Variants in FGD4 observed in about 807,000 individuals in gnomAD.
FGD4 encodes the protein FYVE, RhoGEF and PH domain containing 4.
FGD4 carries 42 observed loss-of-function variants against 102.0 expected under a neutral mutation model. The ratio of observed to expected loss-of-function variants is 0.41; its 90% CI spans 0.32 to 0.53. FGD4 has a LOEUF of 0.53. FGD4 is among the 20% of genes least tolerant of loss of function. The pLI is 0.21. For synonymous variants in FGD4, 380 were observed against 375.7 expected (o/e 1.01, Z -0.13); for missense variants, 902 against 1,078.2 (o/e 0.84, Z 2.29).
Position 32,582,023 on chromosome 12 carries a change from C to G in FGD4, c.567C>G (p.Thr189=). The change falls in exon 4 of 17, where the codon ACC becomes ACG. Residue 189 remains threonine, a synonymous_variant. Transcript: ENST00000534526. Reference sequence around the variant, plus strand: ...CTGTGAACCTAAATGCTCCTAGAACCCCAGGAAGGCATGGATTGACAACCA... The same window carrying G: ...CTGTGAACCTAAATGCTCCTAGAACGCCAGGAAGGCATGGATTGACAACCA... The part of the protein sequence containing the change: ...ESAVNLNAPR[T]PGRHGLTTTP... 1 of 1,614,080 alleles carries G rather than the reference C, an allele frequency of 6.2e-7. No individual in the cohort carries two copies. Among genetic ancestry groups the G allele is most frequent in the Non-Finnish European group, 8.5e-7 (1 of 1,180,006 alleles).
intron 1 of FGD4, among the ~76,000 whole-genome samples, chr12:32,465,362 C>T (rs1469796066): frequency 6.6e-6 from 1 of 152,064 alleles, no homozygotes; most frequent in Non-Finnish European, 1.5e-5. Context: ...CCTCATCAGT[C>T]AGCCGCCATT....
chr12:32,520,440 G>GTTTT (rs1167066001), intron 1 of FGD4, among the ~76,000 whole-genome samples: 6 of 134,110 alleles, frequency 4.5e-5, no homozygotes, highest in Admixed American at 7.5e-5. Flanking sequence ...TTTGTTTTTT[G>GTTTT]TTTTTTTTTT....
intron 4 of FGD4, among the ~76,000 whole-genome samples, chr12:32,592,888 G>A (rs1416120021): frequency 1.6e-4 from 25 of 152,298 alleles, no homozygotes; most frequent in Non-Finnish European, 1.5e-5. Flanking sequence ...ATTAAAGTAT[G>A]TAGTAGTACC....
chr12:32,540,912 C>T (rs1432764966), intron 1 of FGD4, among the ~76,000 whole-genome samples: 1 of 152,060 alleles, frequency 6.6e-6, no homozygotes, highest in East Asian at 1.9e-4. Context: ...CCCTCCCCAT[C>T]GAGCCTTGCA....
intron 1 of FGD4, among the ~76,000 whole-genome samples, chr12:32,537,897 G>GTTTGT (rs1555198141): frequency 2.6e-5 from 4 of 151,950 alleles, no homozygotes; most frequent in Admixed American, 6.6e-5. Context: ...TTTTTTGTTT[G>GTTTGT]TTTGTTTTGT....
At position 32,563,217 on chromosome 12, in the gene FGD4, G is replaced by A. The variant is rs577560408; in HGVS notation, c.167-920G>A. ...TCACTTCCCAGAGGGGGTGGCTGCCGGGCAGAGGGGCTCCTCACTTCTCAG... is the reference window on the plus strand; with the variant it reads ...TCACTTCCCAGAGGGGGTGGCTGCCAGGCAGAGGGGCTCCTCACTTCTCAG... On this transcript the variant is annotated intron_variant, in intron 1 of 16. Coordinates refer to ENST00000534526, the MANE Select transcript of FGD4 (RefSeq NM_001370298.3). Among the ~76,000 whole-genome samples, 719 of 151,634 alleles carry A rather than the reference G, an allele frequency of 4.7e-3. 5 individuals are homozygous for A. The highest frequency in any genetic ancestry group is 0.016 in the African/African-American group (663 of 41,318).
intron 10 of FGD4, among the ~76,000 whole-genome samples, chr12:32,612,232 C>T (rs768337848): frequency 6.8e-4 from 103 of 152,234 alleles, no homozygotes; most frequent in Non-Finnish European, 1.1e-3. Context: ...TGCAGGGAGC[C>T]GGTGCCCATG....
chr12:32,459,946 T>TC (rs964436094), intron 1 of FGD4, among the ~76,000 whole-genome samples: 1 of 151,794 alleles, frequency 6.6e-6, no homozygotes, highest in African/African-American at 2.4e-5. Context: ...ACTCAAGTGA[T>TC]CCCCCCACCT....
At chr12:32,411,321 C>T (rs111851680) in intron 1 of FGD4, among the ~76,000 whole-genome samples, 1 of 151,556 alleles carries the variant, frequency 6.6e-6, no homozygotes, top group African/African-American at 2.4e-5. Context: ...CGGATCACGA[C>T]GTCAGGAGTT....
intron 7 of FGD4, 54 bp downstream of exon 7, chr12:32,602,371 A>G: frequency 1.2e-6 from 2 of 1,601,912 alleles, no homozygotes; most frequent in East Asian, 2.2e-5. Context: ...TACAAATTAT[A>G]CAGTCTTCTA....
chr12:32,496,336 C>T (rs1360994342), intron 1 of FGD4, among the ~76,000 whole-genome samples: 2 of 152,170 alleles, frequency 1.3e-5, no homozygotes, highest in African/African-American at 4.8e-5. Context: ...AGAGAAGGTT[C>T]ATAATGTTGA....
Position 32,625,038 on chromosome 12 carries a change from A to C in FGD4, c.2016A>C (p.Ala672=). 1 of 1,613,302 alleles carries C rather than the reference A, an allele frequency of 6.2e-7. No homozygotes were observed. The highest frequency in any genetic ancestry group is 8.5e-7 in the Non-Finnish European group (1 of 1,179,506). The change falls in exon 13 of 17, where the codon GCA becomes GCC. Residue 672 remains alanine (A), a synonymous_variant. Transcript: ENST00000534526. The part of the protein sequence containing the change: ...QRHETFRNAI[A]KDNDIHSEVS... ...ATGAAACCTTCAGAAATGCAATTGCAAAGGATAATGACATTCACTCAGAGG... is the reference window on the plus strand; with the variant it reads ...ATGAAACCTTCAGAAATGCAATTGCCAAGGATAATGACATTCACTCAGAGG...
intron 1 of FGD4, among the ~76,000 whole-genome samples, chr12:32,432,455 A>C (rs1349073022): frequency 1.3e-5 from 2 of 151,906 alleles, no homozygotes; most frequent in Non-Finnish European, 2.9e-5. Flanking sequence ...ATTTCTACTG[A>C]AAATACAAAA....
intron 2 of FGD4, among the ~76,000 whole-genome samples, chr12:32,571,260 A>G (rs1945638930): frequency 6.6e-6 from 1 of 152,094 alleles, no homozygotes; most frequent in Admixed American, 6.5e-5. Flanking sequence ...TTTGAGGCCA[A>G]CCTGGCCAAC....
At chr12:32,436,028 T>G (rs1293352208) in intron 1 of FGD4, among the ~76,000 whole-genome samples, 2 of 152,338 alleles carry the variant, frequency 1.3e-5, no homozygotes, top group Non-Finnish European at 2.9e-5. Context: ...CGGAAGGACA[T>G]ATCTGCTGTC....
intron 1 of FGD4, among the ~76,000 whole-genome samples, chr12:32,453,380 T>A (rs1455441583): frequency 6.6e-6 from 1 of 151,460 alleles, no homozygotes; most frequent in Non-Finnish European, 1.5e-5. Context: ...ATCACAGGTA[T>A]GCGCCATCAT....
chr12:32,468,193 C>T (rs2136511274), intron 1 of FGD4, among the ~76,000 whole-genome samples: 1 of 152,082 alleles, frequency 6.6e-6, no homozygotes. Flanking sequence ...ACAGGTGTGC[C>T]TCACTATGCC....
rs770758473 is a variant in FGD4, at chr12:32,643,849, G to T, written c.*3316G>T. On this transcript the variant is annotated 3_prime_UTR_variant, in exon 17 of 17. Coordinates refer to ENST00000534526, the MANE Select transcript of FGD4 (RefSeq NM_001370298.3). ...GTCCTTACTTTTTGGAAACAGGGTG[G>T]TTGCTTTTATTTGTTTTCTGGTTAT... is the stretch of plus-strand genomic sequence containing the variant. 1 of 151,884 alleles carries T rather than the reference G, an allele frequency of 6.6e-6. No individual in the cohort carries two copies. The highest frequency in any genetic ancestry group is 1.5e-5 in the Non-Finnish European group (1 of 67,932). 9.4% of individuals were successfully genotyped at this position (151,884 alleles called of 1,614,324 possible). A position where few individuals can be genotyped will look rare whatever the true frequency, so the allele number is the denominator to read the frequency against.
At chr12:32,480,021 G>A (rs1565766011) in intron 1 of FGD4, among the ~76,000 whole-genome samples, 1 of 151,662 alleles carries the variant, frequency 6.6e-6, no homozygotes, top group East Asian at 1.9e-4. Flanking sequence ...AAAACTCCCA[G>A]GCTCAAGTGA....
Sources: allele counts gnomAD v4.1 joint callset (sites outside exome capture counted in the v4.1 genomes callset), GRCh38; gene constraint gnomAD v4.1.1; transcripts MANE v1.5; gene names NCBI Gene and HGNC (gene_info 2026-07-23, HGNC 2026-07-21).